UBA1: variants seen among roughly 807,000 people sequenced by gnomAD.
UBA1 encodes ubiquitin-like modifier-activating enzyme 1.
Under a neutral mutation model 84.7 loss-of-function variants are expected in UBA1, and 4 were observed. The ratio of observed to expected loss-of-function variants is 0.05; its 90% confidence interval spans 0.02 to 0.11. The LOEUF (loss-of-function observed/expected upper bound fraction) is 0.11, where lower values mean the gene tolerates loss of function less well. UBA1 is among the 10% of genes least tolerant of loss of function. UBA1 has a pLI of 1.00. For synonymous variants in UBA1, 364 were observed against 362.6 expected (o/e 1.00, Z -0.04); for missense variants, 513 against 902.8 (o/e 0.57, Z 5.53).
intron 5 of UBA1, among the ~76,000 whole-genome samples, chrX:47,200,544 G>C (rs1429458087): frequency 2.7e-5 from 3 of 111,836 alleles, no homozygotes; most frequent in Non-Finnish European, 3.8e-5. Flanking sequence ...ATTGGAAGCA[G>C]GTGGGTGTGG....
At chrX:47,194,406 A>G (rs1556784854) in intron 1 of UBA1, among the ~76,000 whole-genome samples, 1 of 112,385 alleles carries the variant, frequency 8.9e-6, no homozygotes, top group Non-Finnish European at 1.9e-5. Context: ...GAATGCCGTT[A>G]AAGACCTGCC....
intron 16 of UBA1, 76 bp downstream of exon 16, chrX:47,206,520 C>T: frequency 9.4e-7 from 1 of 1,063,063 alleles, no homozygotes. Context: ...AGGCCCTTGC[C>T]TTGCCTTCAG....
rs1288832522 is a variant in UBA1 at position 47,199,038 on chromosome X, C to T, written c.118-10C>T. 6 of 1,210,968 alleles carry T rather than the reference C, an allele frequency of 5.0e-6. No individual in the cohort carries two copies. The African/African-American group carries it at 8.7e-5, about 18-fold the overall frequency. On this transcript the variant is annotated splice_polypyrimidine_tract_variant and intron_variant, in intron 2 of 25. Transcript: ENST00000335972. ...GTCTCCCTAAACTTGTTCTTTTCCT[C>T]TATTCCTAGGGAATGGCCAAGAACG...
intron 16 of UBA1, 111 bp from the exon 17 acceptor site, chrX:47,209,512 G>A (rs1406642011): frequency 9.8e-6 from 7 of 711,213 alleles, no homozygotes; most frequent in Non-Finnish European, 1.3e-5. Flanking sequence ...CACTTCCAGA[G>A]TAGCTGTGCG....
In UBA1 at chrX:47,214,358, G is replaced by A. The variant is rs1937059341; in HGVS notation, c.2870G>A (p.Arg957His). Residue 957 changes from arginine to histidine, a missense_variant, in exon 24 of 26, where the codon CGC becomes CAC. Physicochemically the swap from Arg to His is conservative, Grantham distance 29 (BLOSUM62 0). This residue lies in a region of UBA1 where 151 missense variants were observed against 260.1 expected (regional missense o/e 0.58). Transcript: ENST00000335972. ...AACCAAGAGTGGACATTGTGGGATC[G>A]CTTTGAGGTACAAGGGCTGCAGCCT... ...YYNQEWTLWD[R>H]FEVQGLQPNG... 3 of 1,211,027 alleles carry A rather than the reference G, an allele frequency of 2.5e-6. No individual in the cohort carries two copies. Among genetic ancestry groups the A allele is most frequent in the Non-Finnish European group, 3.4e-6 (3 of 895,210 alleles).
upstream of UBA1, among the ~76,000 whole-genome samples, chrX:47,192,529 T>A (rs1936083519): frequency 9.0e-6 from 1 of 111,152 alleles, no homozygotes; most frequent in Non-Finnish European, 1.9e-5. Flanking sequence ...TATAATATTT[T>A]AAAAATTTAA....
At chrX:47,198,270 A>T (rs1556786172) in intron 1 of UBA1, 3 of 982,570 alleles carry the variant, frequency 3.1e-6, no homozygotes, top group Non-Finnish European at 2.6e-6. Flanking sequence ...AAGGGAGAGG[A>T]GAATGGCTGC....
At chrX:47,204,149 T>G (rs1257193594) in intron 14 of UBA1, among the ~76,000 whole-genome samples, 3 of 93,922 alleles carry the variant, frequency 3.2e-5, no homozygotes, top group Admixed American at 1.2e-4. Flanking sequence ...GTTTTTTTTT[T>G]TTTTTTTTTT....
Position 47,214,938 on chromosome X carries a change from G to A in UBA1, c.*9G>A, listed in dbSNP as rs1478503414. ...GATACACCATCCGCTGACCCCGTCT[G>A]CTCCTCTAGGCTGGCCCCTTGTCCA... is the stretch of plus-strand genomic sequence containing the variant. On this transcript the variant is annotated 3_prime_UTR_variant, in exon 26 of 26. Coordinates refer to ENST00000335972, the MANE Select transcript of UBA1 (RefSeq NM_003334.4). 2.5e-6 allele frequency: 3 copies of A among 1,207,106 alleles called. No homozygotes were observed. Among genetic ancestry groups the A allele is most frequent in the Non-Finnish European group, 2.2e-6 (2 of 894,979 alleles).
intron 6 of UBA1, 106 bp from the exon 7 acceptor site, chrX:47,201,170 G>A (rs1936404077): frequency 1.2e-6 from 1 of 840,891 alleles, no homozygotes; most frequent in African/African-American, 2.0e-5. Flanking sequence ...CATCCCAGCA[G>A]TGATAGGCTG....
At chrX:47,205,653 A>C (rs1936638196) in intron 14 of UBA1, 1 of 377,524 alleles carries the variant, frequency 2.6e-6, no homozygotes, top group East Asian at 5.5e-5. Flanking sequence ...CAGGAGTTCA[A>C]GACCAGCCTG....
chrX:47,209,683 C>G lies in UBA1; in HGVS notation c.1999C>G (p.Leu667Val). ...KQPAENVNQY[L>V]TDPKFVERTL... ...GCCAGCAGAAAATGTCAACCAGTACCTCACGTGAGTAACTCGAGTGCCCTC... is the reference window on the plus strand; with the variant it reads ...GCCAGCAGAAAATGTCAACCAGTACGTCACGTGAGTAACTCGAGTGCCCTC... The change falls in exon 17 of 26, where the codon CTC becomes GTC. Residue 667 changes from leucine (L) to valine (V), a missense_variant. Leu to Val is a conservative substitution (Grantham distance 32). Transcript: ENST00000335972. 1 of 1,211,117 alleles carries G rather than the reference C, an allele frequency of 8.3e-7. No homozygotes were observed. The highest frequency in any genetic ancestry group is 1.7e-5 in the African/African-American group (1 of 57,812).
At chrX:47,206,878 C>T (rs1385050268) in intron 16 of UBA1, among the ~76,000 whole-genome samples, 1 of 110,863 alleles carries the variant, frequency 9.0e-6, no homozygotes, top group East Asian at 2.8e-4. Flanking sequence ...TTCTTAGCTT[C>T]AGCACTACTG....
At chrX:47,198,493 C>T in intron 1 of UBA1, 1 of 362,600 alleles carries the variant, frequency 2.8e-6, no homozygotes, top group South Asian at 3.3e-5. Context: ...CTGACCTCGA[C>T]ACAAGTACAT....
chrX:47,204,139 GTTTTTTTTTTTTTTT>G (rs55829376), intron 14 of UBA1, among the ~76,000 whole-genome samples: 12 of 16,863 alleles, frequency 7.1e-4, no homozygotes, highest in African/African-American at 2.9e-3. Flanking sequence ...CTCAGCTTCT[GTTTTTTTTTTTTTTT>G]TTTTTTTTTT....
At chrX:47,201,245 C>T (rs1556787850) in intron 6 of UBA1, 31 bp from the exon 7 acceptor site, 2 of 1,167,738 alleles carry the variant, frequency 1.7e-6, no homozygotes, top group Admixed American at 2.3e-5. Flanking sequence ...GCATGGGACA[C>T]AGGCACCAGC....
intron 5 of UBA1, among the ~76,000 whole-genome samples, chrX:47,200,190 G>T (rs1437341708): frequency 8.9e-6 from 1 of 112,108 alleles, no homozygotes; most frequent in Non-Finnish European, 1.9e-5. Flanking sequence ...CTCCAGCCTT[G>T]GTAGTGTGAC....
At chrX:47,210,718 C>T (rs146276219) in intron 18 of UBA1, 124 bp from the exon 19 acceptor site, 24 of 672,614 alleles carry the variant, frequency 3.6e-5, no homozygotes, top group African/African-American at 2.2e-4. Flanking sequence ...GGCTCCAGTC[C>T]GCATCGAGTG....
At chrX:47,208,349 G>C (rs1330240552) in intron 16 of UBA1, among the ~76,000 whole-genome samples, 1 of 111,384 alleles carries the variant, frequency 9.0e-6, no homozygotes, top group African/African-American at 3.3e-5. Context: ...GTGTGCGCAC[G>C]CACGCGTGCC....
Sources: gnomAD v4.1 joint callset for allele counts (sites outside exome capture counted in the v4.1 genomes callset) on GRCh38, gnomAD v4.1.1 for gene constraint, gnomAD v4.1.1 regional missense constraint, MANE v1.5 for transcripts, NCBI Gene and HGNC (gene_info 2026-07-23, HGNC 2026-07-21) for gene names.